The following CDC73 variants were observed in gnomAD, a reference collection of about 807,000 sequenced individuals.
The protein encoded by CDC73 is parafibromin.
Under a neutral mutation model 83.7 loss-of-function variants are expected in CDC73, and 21 were observed. The observed-to-expected ratio is 0.25, with a 90% CI of 0.18 to 0.36. CDC73 has a LOEUF of 0.36. CDC73 is among the 10% of genes least tolerant of loss of function. The pLI is 1.00. For missense variants in CDC73, 342 were observed against 653.3 expected, an observed-to-expected ratio of 0.52 and a Z score of 5.19; for synonymous variants, 224 against 212.9, an observed-to-expected ratio of 1.05 and a Z score of -0.45.
In CDC73 at chr1:193,250,612, T is replaced by C; in HGVS notation, c.1560-64T>C. 2.6e-6 allele frequency: 3 copies of C among 1,132,442 alleles called. No individual in the cohort carries two copies. In the South Asian group the frequency reaches 4.0e-5, roughly 15 times the overall value. The allele number at this position is 1,132,442 out of a possible 1,614,324, so 70.1% of individuals were successfully genotyped here. A position where few individuals can be genotyped will look rare whatever the true frequency, so the allele number is the denominator to read the frequency against. ...TAAGAAATGTCAACTTGTTTTTACATGCATTATTCTAAAAATTCTAAAATT... is the reference window on the plus strand; with the variant it reads ...TAAGAAATGTCAACTTGTTTTTACACGCATTATTCTAAAAATTCTAAAATT... On this transcript the variant is annotated intron_variant, in intron 16 of 16. Coordinates refer to ENST00000367435, the MANE Select transcript of CDC73 (RefSeq NM_024529.5).
At chr1:193,201,570 T>TG (rs1165790345) in intron 10 of CDC73, among the ~76,000 whole-genome samples, 2 of 152,108 alleles carry the variant, frequency 1.3e-5, no homozygotes, top group African/African-American at 2.4e-5. Flanking sequence ...CCTTTCCTAG[T>TG]GACCAGGGGA....
chr1:193,131,255 A>G (rs575960140), intron 3 of CDC73, among the ~76,000 whole-genome samples: 4 of 151,804 alleles, frequency 2.6e-5, no homozygotes, highest in African/African-American at 7.2e-5. Flanking sequence ...CAGTGTTCCC[A>G]CTTTAGTAAG....
At chr1:193,157,349 G>C (rs1254073757) in intron 10 of CDC73, among the ~76,000 whole-genome samples, 1 of 152,208 alleles carries the variant, frequency 6.6e-6, no homozygotes, top group Non-Finnish European at 1.5e-5. Context: ...TGGTAAGGTA[G>C]ATCATATGTC....
intron 10 of CDC73, among the ~76,000 whole-genome samples, chr1:193,198,502 A>T (rs1314210730): frequency 6.6e-6 from 1 of 152,256 alleles, no homozygotes; most frequent in African/African-American, 2.4e-5. Context: ...GCAGAGAGAC[A>T]CAAAACCTGC....
intron 10 of CDC73, among the ~76,000 whole-genome samples, chr1:193,171,883 G>T (rs1268430711): frequency 1.3e-5 from 2 of 152,166 alleles, no homozygotes; most frequent in Non-Finnish European, 2.9e-5. Flanking sequence ...AGTGTTGGAA[G>T]AATAAAAATT....
At chr1:193,148,969 T>C (rs1432907445) in intron 8 of CDC73, among the ~76,000 whole-genome samples, 1 of 152,172 alleles carries the variant, frequency 6.6e-6, no homozygotes, top group Non-Finnish European at 1.5e-5. Flanking sequence ...TGAAATGTAT[T>C]AGAGTACTAA....
At chr1:193,243,586 A>C (rs1042841489) in intron 15 of CDC73, among the ~76,000 whole-genome samples, 9 of 152,236 alleles carry the variant, frequency 5.9e-5, no homozygotes, top group Non-Finnish European at 5.9e-5. Flanking sequence ...ATGATTAGCA[A>C]ATAGTTGAAC....
intron 11 of CDC73, among the ~76,000 whole-genome samples, chr1:193,208,531 A>G (rs1677225796): frequency 6.6e-6 from 1 of 152,220 alleles, no homozygotes; most frequent in Non-Finnish European, 1.5e-5. Context: ...CTGTTGTAAT[A>G]GTCCTAACTG....
At chr1:193,146,409 G>A (rs1572157526) in intron 7 of CDC73, among the ~76,000 whole-genome samples, 2 of 152,110 alleles carry the variant, frequency 1.3e-5, no homozygotes, top group African/African-American at 4.8e-5. Flanking sequence ...TCATATTTCT[G>A]TAGGCTGGGA....
At position 193,254,516 on chromosome 1, in the gene CDC73, A is replaced by G. The variant is rs746529105; in HGVS notation, c.*3804A>G. On this transcript the variant is annotated 3_prime_UTR_variant, in exon 17 of 17. Coordinates refer to ENST00000367435, the MANE Select transcript of CDC73 (RefSeq NM_024529.5). ...AATGCCATGTCCTATATATTCTGGC[A>G]TATTTGTTGGCACATTTGCAAGTAT... 6.6e-6 allele frequency among the ~76,000 whole-genome samples: 1 copy of G among 152,038 alleles called. No homozygotes were observed. Among genetic ancestry groups the G allele is most frequent in the Non-Finnish European group, 1.5e-5 (1 of 67,966 alleles).
chr1:193,199,569 G>A (rs1033089221), intron 10 of CDC73, among the ~76,000 whole-genome samples: 4 of 151,346 alleles, frequency 2.6e-5, no homozygotes, highest in South Asian at 4.2e-4. Context: ...AACATTAGCC[G>A]GACATTGATG....
intron 2 of CDC73, 109 bp from the exon 3 acceptor site, chr1:193,130,064 AC>A (rs1675667509): frequency 1.5e-6 from 1 of 671,310 alleles, no homozygotes; most frequent in African/African-American, 1.8e-5. Context: ...GATTTAAAAT[AC>A]GTTTTTTCAA....
chr1:193,218,743 A>G (rs957342881), intron 13 of CDC73, among the ~76,000 whole-genome samples: 3 of 152,212 alleles, frequency 2.0e-5, no homozygotes, highest in East Asian at 1.9e-4. Context: ...TCCTTTCACC[A>G]TATGCAAAAA....
intron 13 of CDC73, among the ~76,000 whole-genome samples, chr1:193,227,934 T>C (rs1038902794): frequency 2.6e-5 from 4 of 152,214 alleles, no homozygotes; most frequent in African/African-American, 4.8e-5. Flanking sequence ...TTTAACATCC[T>C]AAGTTGTATT....
rs779023394 is a variant in CDC73 at position 193,131,798 on chromosome 1, T to G, written c.307+1555T>G. Among the ~76,000 whole-genome samples, 6 of 152,208 alleles carry G rather than the reference T, an allele frequency of 3.9e-5. 1 individual carries two copies. The highest frequency in any genetic ancestry group is 4.1e-4 in the South Asian group (2 of 4,822). ...CTGTGCTCAAGTGTTTTTCCAAATG[T>G]TGTTCCATCAGAGAAGACTTCTCTG... On this transcript the variant is annotated intron_variant, in intron 3 of 16. Transcript: ENST00000367435.
intron 10 of CDC73, among the ~76,000 whole-genome samples, chr1:193,157,501 T>C (rs1676227901): frequency 6.6e-6 from 1 of 152,174 alleles, no homozygotes; most frequent in African/African-American, 2.4e-5. Context: ...ACATAAACAG[T>C]CTGGATTTCC....
At chr1:193,161,569 ATAT>A (rs1295621233) in intron 10 of CDC73, among the ~76,000 whole-genome samples, 5 of 126,664 alleles carry the variant, frequency 3.9e-5, no homozygotes, top group African/African-American at 1.2e-4. Flanking sequence ...ACGCATATAT[ATAT>A]TATTATATAA....
intron 10 of CDC73, chr1:193,181,354 G>T (rs758297188): frequency 1.2e-5 from 20 of 1,614,014 alleles, no homozygotes; most frequent in Non-Finnish European, 1.6e-5. Flanking sequence ...CTCACTTTTT[G>T]TTGACCGAAA....
chr1:193,168,586 G>A (rs916762786), intron 10 of CDC73, among the ~76,000 whole-genome samples: 1 of 151,136 alleles, frequency 6.6e-6, no homozygotes, highest in Non-Finnish European at 1.5e-5. Context: ...ATGCAGTAGC[G>A]CAATCTTGCC....
Sources: gnomAD v4.1 joint callset for allele counts (sites outside exome capture counted in the v4.1 genomes callset) on GRCh38, gnomAD v4.1.1 for gene constraint, MANE v1.5 for transcripts, NCBI Gene and HGNC (gene_info 2026-07-23, HGNC 2026-07-21) for gene names.